Variants in QKI observed in about 807,000 individuals in gnomAD.
QKI encodes QKI, KH domain containing RNA binding, also known as KH domain-containing RNA-binding protein QKI.
A neutral mutation model predicts 39.0 loss-of-function variants in QKI; 10 were observed. The observed-to-expected ratio is 0.26, with a 90% confidence interval of 0.16 to 0.43. The LOEUF is 0.43. Among genes scored for constraint, QKI ranks in the 20% least tolerant of loss-of-function variants. The pLI is 1.00. For synonymous variants in QKI, 204 were observed against 155.4 expected (o/e 1.31, Z -2.33); for missense variants, 218 against 428.0 (o/e 0.51, Z 4.33).
intron 4 of QKI, among the ~76,000 whole-genome samples, chr6:163,552,529 A>G (rs1413231095): frequency 6.6e-6 from 1 of 151,688 alleles, no homozygotes. Flanking sequence ...TCTTTATCCT[A>G]ATCATCTTCA....
At chr6:163,465,816 C>A (rs1791698013) in intron 2 of QKI, among the ~76,000 whole-genome samples, 1 of 151,804 alleles carries the variant, frequency 6.6e-6, no homozygotes, top group Non-Finnish European at 1.5e-5. Context: ...ACACTAACAA[C>A]AAACTATTCA....
At chr6:163,567,169 T>C in intron 7 of QKI, 3 of 1,013,134 alleles carry the variant, frequency 3.0e-6, no homozygotes, top group Non-Finnish European at 3.5e-6. Context: ...CAAAATGAAT[T>C]GAACGGATGG....
chr6:163,563,328 C>A, intron 5 of QKI, 92 bp from the exon 6 acceptor site: 1 of 1,204,618 alleles, frequency 8.3e-7, no homozygotes, highest in Non-Finnish European at 1.2e-6. Flanking sequence ...TTCTTTCCTG[C>A]TTTTCCTTTC....
chr6:163,424,657 T>A lies in QKI; in HGVS notation c.142+9322T>A, dbSNP rs552162919. ...TGGTTTTTAATTTTTTTTTTTTTTT[T>A]AATTTTGTGTGAGTCTTTCTCTGTT... On this transcript the variant is annotated intron_variant, in intron 1 of 7. Transcript: ENST00000361752. Among the ~76,000 whole-genome samples the A allele has an allele frequency of 1.1e-4, 16 of 151,658 alleles. 1 individual carries two copies. The highest frequency in any genetic ancestry group is 1.0e-3 in the South Asian group (5 of 4,800).
At position 163,415,109 on chromosome 6, in the gene QKI, G is replaced by A; in HGVS notation, c.-85G>A. 9.4e-7 allele frequency: 1 copy of A among 1,059,008 alleles called. No individual in the cohort carries two copies. The highest frequency in any genetic ancestry group is 1.1e-6 in the Non-Finnish European group (1 of 874,946). 65.6% of individuals were successfully genotyped at this position (1,059,008 alleles called of 1,614,324 possible). A position where few individuals can be genotyped will look rare whatever the true frequency, so the allele number is the denominator to read the frequency against. On this transcript the variant is annotated 5_prime_UTR_variant, in exon 1 of 8. Coordinates refer to ENST00000361752, the MANE Select transcript of QKI (RefSeq NM_006775.3). ...CGGGACGCCGGGTCCCGAGCGGCCC[G>A]CGGCCGGGGCTCGCCCCCGCCCCTC...
intron 7 of QKI, chr6:163,568,688 C>CA (rs1192810458): frequency 1.3e-5 from 13 of 984,280 alleles, no homozygotes; most frequent in African/African-American, 1.7e-5. Flanking sequence ...TCATTTAATG[C>CA]AAAAAAACTC....
At chr6:163,522,858 A>T (rs1780245370) in intron 3 of QKI, among the ~76,000 whole-genome samples, 1 of 151,840 alleles carries the variant, frequency 6.6e-6, no homozygotes, top group Non-Finnish European at 1.5e-5. Context: ...GACAGCTGTG[A>T]ATTAATATTT....
chr6:163,458,007 GA>G (rs1228948192), intron 2 of QKI, among the ~76,000 whole-genome samples: 1 of 152,132 alleles, frequency 6.6e-6, no homozygotes, highest in East Asian at 1.9e-4. Flanking sequence ...CCATCTGGGA[GA>G]AAAACATTCT....
intron 1 of QKI, among the ~76,000 whole-genome samples, chr6:163,430,311 T>TCTTCC (rs1253788922): frequency 6.6e-6 from 1 of 152,200 alleles, no homozygotes; most frequent in Non-Finnish European, 1.5e-5. Context: ...GCTGTCCTTC[T>TCTTCC]CTTCCCTTCA....
At chr6:163,479,861 C>G (rs926493657) in intron 3 of QKI, among the ~76,000 whole-genome samples, 1 of 152,036 alleles carries the variant, frequency 6.6e-6, no homozygotes, top group Admixed American at 6.6e-5. Flanking sequence ...TAAGAATGGT[C>G]AAATAACTTT....
At chr6:163,493,241 C>T (rs1183198839) in intron 3 of QKI, among the ~76,000 whole-genome samples, 1 of 151,856 alleles carries the variant, frequency 6.6e-6, no homozygotes, top group Non-Finnish European at 1.5e-5. Context: ...AGCGATTCTC[C>T]TGCCTCAGCC....
intron 1 of QKI, among the ~76,000 whole-genome samples, chr6:163,437,712 T>C (rs1289527865): frequency 6.6e-6 from 1 of 152,218 alleles, no homozygotes; most frequent in African/African-American, 2.4e-5. Flanking sequence ...GATAACTATT[T>C]TAGGGTTTGA....
At chr6:163,481,051 A>C (rs1418311745) in intron 3 of QKI, among the ~76,000 whole-genome samples, 3 of 152,208 alleles carry the variant, frequency 2.0e-5, no homozygotes, top group Non-Finnish European at 4.4e-5. Context: ...AAGTGTTTAT[A>C]ATAAAAGTAA....
intron 2 of QKI, among the ~76,000 whole-genome samples, chr6:163,474,143 G>A (rs926395338): frequency 1.3e-5 from 2 of 152,140 alleles, no homozygotes; most frequent in Non-Finnish European, 1.5e-5. Context: ...TTGTAGTTGG[G>A]AACTCTTAGC....
chr6:163,437,469 G>A (rs1789401713), intron 1 of QKI, among the ~76,000 whole-genome samples: 1 of 152,142 alleles, frequency 6.6e-6, no homozygotes, highest in African/African-American at 2.4e-5. Flanking sequence ...TTTAAAAAGA[G>A]TTTTTCTTGT....
At position 163,563,406 on chromosome 6, in the gene QKI, T is replaced by C. The variant is rs1165443028; in HGVS notation, c.635-14T>C. 1.3e-6 allele frequency: 2 copies of C among 1,572,132 alleles called. No homozygotes were observed. The highest frequency in any genetic ancestry group is 2.7e-5 in the African/African-American group (2 of 73,288). On this transcript the variant is annotated splice_polypyrimidine_tract_variant and intron_variant, in intron 5 of 7. Transcript: ENST00000361752. Reference sequence around the variant, plus strand: ...GTCTCTATACTTCTTTCTAAATTTCTTTGCTTACTGTAGCAGCCCTTGCCT... The same window carrying C: ...GTCTCTATACTTCTTTCTAAATTTCCTTGCTTACTGTAGCAGCCCTTGCCT...
intron 3 of QKI, among the ~76,000 whole-genome samples, chr6:163,511,918 ATTC>A (rs539978726): frequency 4.6e-5 from 7 of 152,186 alleles, no homozygotes; most frequent in Non-Finnish European, 7.4e-5. Flanking sequence ...AAGAATCAGT[ATTC>A]TTCATGGATA....
At chr6:163,505,070 C>T (rs1395735240) in intron 3 of QKI, among the ~76,000 whole-genome samples, 1 of 152,174 alleles carries the variant, frequency 6.6e-6, no homozygotes, top group African/African-American at 2.4e-5. Flanking sequence ...TGGGCTGTTA[C>T]TTCAGAGGAC....
chr6:163,536,559 T>A (rs565986396), intron 4 of QKI, among the ~76,000 whole-genome samples: 1 of 152,326 alleles, frequency 6.6e-6, no homozygotes, highest in East Asian at 1.9e-4. Flanking sequence ...CCTTGTTGTT[T>A]GAGGATCAAC....
Sources: allele counts gnomAD v4.1 joint callset (sites outside exome capture counted in the v4.1 genomes callset), GRCh38; gene constraint gnomAD v4.1.1; transcripts MANE v1.5; gene names NCBI Gene and HGNC (gene_info 2026-07-23, HGNC 2026-07-21).